Variants in ZNF138 observed in about 807,000 individuals in gnomAD.
ZNF138 encodes the protein zinc finger protein 138, also known as zinc finger protein 138 (clone pHZ-32).
ZNF138 carries 33 observed loss-of-function variants against 33.0 expected under a neutral mutation model. The ratio of observed to expected loss-of-function variants is 1.00; its 90% confidence interval spans 0.76 to 1.34. The LOEUF (loss-of-function observed/expected upper bound fraction) is 1.34. Ranked by LOEUF, ZNF138 falls within the 40% of genes most tolerant of loss-of-function variation. ZNF138 has a pLI of 0.00. For missense variants in ZNF138, 360 were observed against 370.8 expected (o/e 0.97, Z 0.24); for synonymous variants, 139 against 120.4 (o/e 1.15, Z -1.01).
chr7:64,836,657 G>A (rs948157912), downstream of ZNF138: 2 of 152,162 alleles, frequency 1.3e-5, no homozygotes, highest in East Asian at 3.9e-4. Context: ...TTTTCAGTAC[G>A]AATTAATGCC....
Position 64,821,243 on chromosome 7 carries a change from C to T in ZNF138, c.208+5590C>T, listed in dbSNP as rs547513804. On this transcript the variant is annotated intron_variant, in intron 3 of 3. Transcript: ENST00000307355. ...TAGCTGGGACTACAGGCGCTTGCCA[C>T]CACGCCCGGCTAATTTTTTGTATTT... Among the ~76,000 whole-genome samples the T allele has an allele frequency of 1.0e-3, 155 of 150,906 alleles. 6 individuals carry two copies. Among genetic ancestry groups the T allele is most frequent in the African/African-American group, 3.7e-3 (149 of 40,518 alleles).
At chr7:64,829,465 T>G (rs1317688916) in intron 3 of ZNF138, among the ~76,000 whole-genome samples, 1 of 150,736 alleles carries the variant, frequency 6.6e-6, no homozygotes, top group Non-Finnish European at 1.5e-5. Context: ...TCTATTATTT[T>G]GTAATTTTTA....
intron 1 of ZNF138, among the ~76,000 whole-genome samples, chr7:64,811,602 C>A (rs1788182244): frequency 6.6e-6 from 1 of 152,084 alleles, no homozygotes; most frequent in Non-Finnish European, 1.5e-5. Context: ...TGTTTTGGAC[C>A]CCCAAAGTGC....
intron 1 of ZNF138, among the ~76,000 whole-genome samples, chr7:64,802,581 C>T (rs1389670245): frequency 1.3e-5 from 2 of 151,780 alleles, no homozygotes; most frequent in African/African-American, 2.4e-5. Flanking sequence ...AAGTAAGTCA[C>T]GATCTATAGG....
At chr7:64,839,522 G>A in the ZNF138 span, among the ~76,000 whole-genome samples, 8 of 152,108 alleles carry the variant, frequency 5.3e-5, no homozygotes, top group Non-Finnish European at 1.0e-4. Flanking sequence ...CTGGTGACCC[G>A]GACTGGCCTT....
chr7:64,825,754 G>A (rs1159152116), intron 3 of ZNF138, among the ~76,000 whole-genome samples: 1 of 151,712 alleles, frequency 6.6e-6, no homozygotes, highest in Non-Finnish European at 1.5e-5. Flanking sequence ...TGGCCAGATG[G>A]TCTCGATCTC....
intron 1 of ZNF138, among the ~76,000 whole-genome samples, chr7:64,812,258 A>C (rs1358906837): frequency 6.6e-6 from 1 of 151,780 alleles, no homozygotes; most frequent in Non-Finnish European, 1.5e-5. Flanking sequence ...TCCTGGGTTC[A>C]AGTGATTCTC....
chr7:64,838,025 G>T (rs989201879), downstream of ZNF138, among the ~76,000 whole-genome samples: 2 of 152,140 alleles, frequency 1.3e-5, no homozygotes, highest in Non-Finnish European at 2.9e-5. Flanking sequence ...TTGAGGAGGG[G>T]CGGCTGGGTC....
In ZNF138 at chr7:64,832,570, G is replaced by T; in HGVS notation, c.*368G>T. 3.5e-6 allele frequency: 2 copies of T among 570,790 alleles called. No homozygotes were observed. Among genetic ancestry groups the T allele is most frequent in the South Asian group, 3.3e-5 (2 of 60,548 alleles). The allele number at this position is 570,790 out of a possible 1,614,324, so 35.4% of individuals were successfully genotyped here. Reference sequence around the variant, plus strand: ...ATTACACATAAGATAATTCACAGTGGAGAAAAACCCTACAAATGTGAAGAA... The same window carrying T: ...ATTACACATAAGATAATTCACAGTGTAGAAAAACCCTACAAATGTGAAGAA... On this transcript the variant is annotated 3_prime_UTR_variant, in exon 4 of 4. Transcript: ENST00000307355.
At chr7:64,814,163 AT>A in intron 1 of ZNF138, 1 of 1,129,602 alleles carries the variant, frequency 8.9e-7, no homozygotes, top group African/African-American at 1.7e-5. Context: ...CTTGTTAGAA[AT>A]TTAGAATATC....
the ZNF138 span, chr7:64,852,794 T>C: frequency 1.2e-6 from 1 of 843,280 alleles, no homozygotes; most frequent in South Asian, 1.3e-5. Context: ...TACTGCATTG[T>C]CTGGCATGAT....
At position 64,832,467 on chromosome 7, in the gene ZNF138, C is replaced by G. The variant is rs1043637506; in HGVS notation, c.*265C>G. 3.8e-6 allele frequency: 5 copies of G among 1,329,958 alleles called. No homozygotes were observed. The highest frequency in any genetic ancestry group is 5.0e-6 in the Non-Finnish European group (5 of 1,007,154). The allele number at this position is 1,329,958 out of a possible 1,614,324, so 82.4% of individuals were successfully genotyped here. The stretch of plus-strand genomic sequence containing the variant: ...TCACCGATACTCAATCCTTAGTACA[C>G]ATAAGAAAATTCATACTGGGGAGAA... On this transcript the variant is annotated 3_prime_UTR_variant, in exon 4 of 4. Coordinates refer to ENST00000307355, the MANE Select transcript of ZNF138 (RefSeq NM_001271639.2).
At chr7:64,849,089 G>A in the ZNF138 span, among the ~76,000 whole-genome samples, 2 of 152,248 alleles carry the variant, frequency 1.3e-5, no homozygotes, top group East Asian at 3.9e-4. Context: ...TATGTCCGAG[G>A]GAGTGTCTAA....
chr7:64,831,853 T>G lies in ZNF138; in HGVS notation c.611T>G (p.Phe204Cys). ...AAATGTGAAGAGTGTGGAAAAACCTTTAACTGGTCCACAAACCTTTCTAAA... is the reference window on the plus strand; with the variant it reads ...AAATGTGAAGAGTGTGGAAAAACCTGTAACTGGTCCACAAACCTTTCTAAA... ...FYKCEECGKT[F>C]NWSTNLSKPK... Residue 204 changes from phenylalanine (F) to cysteine (C), a missense_variant, in exon 4 of 4, where the codon TTT becomes TGT. By Grantham distance (205) the Phe-to-Cys change is radical. Coordinates refer to ENST00000307355, the MANE Select transcript of ZNF138 (RefSeq NM_001271639.2). 3 of 1,613,912 alleles carry G rather than the reference T, an allele frequency of 1.9e-6. No individual in the cohort carries two copies. Among genetic ancestry groups the G allele is most frequent in the Non-Finnish European group, 2.5e-6 (3 of 1,179,934 alleles).
intron 3 of ZNF138, among the ~76,000 whole-genome samples, chr7:64,818,011 T>G (rs1341139677): frequency 2.8e-5 from 4 of 144,766 alleles, no homozygotes; most frequent in Non-Finnish European, 6.1e-5. Context: ...TTTTTTTTTT[T>G]GAGACCGAGT....
chr7:64,860,386 G>A, the ZNF138 span, among the ~76,000 whole-genome samples: 4 of 152,080 alleles, frequency 2.6e-5, no homozygotes, highest in South Asian at 2.1e-4. Context: ...TTTCTCCTAA[G>A]TGAAACGTGG....
intron 3 of ZNF138, among the ~76,000 whole-genome samples, chr7:64,824,027 C>G (rs573360687): frequency 6.6e-5 from 10 of 152,262 alleles, no homozygotes; most frequent in African/African-American, 2.4e-4. Flanking sequence ...TATTCTCTTG[C>G]TTTTGACTGG....
At chr7:64,795,551 T>A (rs1281897178) in intron 1 of ZNF138, among the ~76,000 whole-genome samples, 1 of 152,218 alleles carries the variant, frequency 6.6e-6, no homozygotes, top group Non-Finnish European at 1.5e-5. Context: ...ATACTGTATT[T>A]TAATTAATCA....
chr7:64,796,194 ACAAAT>A (rs1253960235), intron 1 of ZNF138, among the ~76,000 whole-genome samples: 1 of 152,208 alleles, frequency 6.6e-6, no homozygotes, highest in African/African-American at 2.4e-5. Context: ...ATCCAAAAAG[ACAAAT>A]CAAACCTTAC....
Sources: gnomAD v4.1 joint callset for allele counts (sites outside exome capture counted in the v4.1 genomes callset) on GRCh38, gnomAD v4.1.1 for gene constraint, MANE v1.5 for transcripts, NCBI Gene and HGNC (gene_info 2026-07-23, HGNC 2026-07-21) for gene names.